ERC2: variants seen among roughly 807,000 people sequenced by gnomAD.
ERC2 encodes ERC protein 2.
ERC2 carries 42 observed loss-of-function variants against 114.8 expected under a neutral mutation model. The ratio of observed to expected loss-of-function variants is 0.37; its 90% CI spans 0.29 to 0.47. The LOEUF (loss-of-function observed/expected upper bound fraction) is 0.47, where lower values mean the gene tolerates loss of function less well. ERC2 is among the 20% of genes least tolerant of loss of function. The pLI, the probability that ERC2 is intolerant of heterozygous loss-of-function variation, is 0.99. For missense variants in ERC2, 939 were observed against 1,150.7 expected, an observed-to-expected ratio of 0.82 and a Z score of 2.66; for synonymous variants, 454 against 425.5, an observed-to-expected ratio of 1.07 and a Z score of -0.82.
intron 1 of ERC2, among the ~76,000 whole-genome samples, chr3:56,457,389 T>C (rs1402620812): frequency 6.6e-6 from 1 of 152,188 alleles, no homozygotes; most frequent in Non-Finnish European, 1.5e-5. Context: ...GAATGGACAT[T>C]GCTAGGAGTC....
chr3:56,321,112 C>G (rs147749607), intron 2 of ERC2, among the ~76,000 whole-genome samples: 1 of 152,246 alleles, frequency 6.6e-6, no homozygotes, highest in East Asian at 1.9e-4. Flanking sequence ...CGTAATCCCA[C>G]CATGTCCCCA....
At chr3:56,294,480 G>T (rs944381334) in intron 3 of ERC2, among the ~76,000 whole-genome samples, 2 of 152,222 alleles carry the variant, frequency 1.3e-5, no homozygotes, top group South Asian at 4.1e-4. Context: ...CTGTTGAAAT[G>T]AGTGCCTCTG....
At chr3:56,272,633 G>A (rs546753275) in intron 3 of ERC2, among the ~76,000 whole-genome samples, 2 of 152,206 alleles carry the variant, frequency 1.3e-5, no homozygotes, top group African/African-American at 4.8e-5. Flanking sequence ...AGCCAGGCGG[G>A]GTAGTGCATG....
intron 3 of ERC2, among the ~76,000 whole-genome samples, chr3:56,175,315 T>C (rs1177454299): frequency 6.6e-6 from 1 of 152,228 alleles, no homozygotes; most frequent in Non-Finnish European, 1.5e-5. Context: ...TTCCTAACTA[T>C]TCAAAATGCT....
At chr3:55,922,588 C>T (rs1236062619) in intron 13 of ERC2, among the ~76,000 whole-genome samples, 1 of 152,002 alleles carries the variant, frequency 6.6e-6, no homozygotes, top group Non-Finnish European at 1.5e-5. Context: ...CCCCATTTTA[C>T]TTAGAATCTT....
chr3:55,598,238 T>C lies in ERC2; in HGVS notation c.*39+85556A>G, dbSNP rs542424941. 7.2e-5 allele frequency among the ~76,000 whole-genome samples: 11 copies of C among 152,352 alleles called. No individual in the cohort carries two copies. In the East Asian group the frequency reaches 2.1e-3, roughly 29 times the overall value. On this transcript the variant is annotated intron_variant, in intron 17 of 17. Transcript: ENST00000288221. ...ATTATCATTTCTTATAATAACTGCA[T>C]GTCTGCATAAGGACTGCATTGTCCA...
intron 3 of ERC2, among the ~76,000 whole-genome samples, chr3:56,272,267 CAA>C (rs949412539): frequency 2.2e-4 from 34 of 152,118 alleles, no homozygotes; most frequent in Admixed American, 5.2e-4. Context: ...ATCACTTGAA[CAA>C]AAAAAGTAGA....
At chr3:55,626,341 G>A (rs1422408731) in intron 17 of ERC2, among the ~76,000 whole-genome samples, 1 of 152,154 alleles carries the variant, frequency 6.6e-6, no homozygotes, top group East Asian at 1.9e-4. Context: ...TAGCCCTGGT[G>A]GTTACTGATG....
intron 13 of ERC2, among the ~76,000 whole-genome samples, chr3:55,925,957 T>A (rs568893119): frequency 6.6e-6 from 1 of 152,202 alleles, no homozygotes; most frequent in South Asian, 2.1e-4. Context: ...TTCTGTCCTG[T>A]AGTATTTCAT....
chr3:56,122,528 A>T (rs1415258769), intron 6 of ERC2, among the ~76,000 whole-genome samples: 1 of 152,200 alleles, frequency 6.6e-6, no homozygotes, highest in Non-Finnish European at 1.5e-5. Flanking sequence ...AATCAAAGCC[A>T]TCCGCAATTC....
chr3:56,425,790 G>A (rs1015214739), intron 2 of ERC2, among the ~76,000 whole-genome samples: 6 of 152,160 alleles, frequency 3.9e-5, no homozygotes, highest in Admixed American at 3.9e-4. Context: ...GGTTTCTGAT[G>A]TTTTATCAAT....
chr3:56,143,033 G>A (rs1045866710), intron 5 of ERC2, among the ~76,000 whole-genome samples: 7 of 152,122 alleles, frequency 4.6e-5, no homozygotes, highest in African/African-American at 1.7e-4. Context: ...TGGATTCTGA[G>A]AACAAATTTT....
intron 13 of ERC2, among the ~76,000 whole-genome samples, chr3:55,910,454 A>G (rs2064735816): frequency 2.0e-5 from 3 of 152,228 alleles, no homozygotes; most frequent in Middle Eastern, 3.4e-3. Flanking sequence ...AAAACAAAAC[A>G]TTAATGTGTG....
At chr3:55,765,855 C>A (rs11927643) in intron 14 of ERC2, among the ~76,000 whole-genome samples, 1 of 152,006 alleles carries the variant, frequency 6.6e-6, no homozygotes, top group Admixed American at 6.5e-5. Flanking sequence ...AAAATGATTA[C>A]GTGATCTCAC....
intron 3 of ERC2, among the ~76,000 whole-genome samples, chr3:56,196,489 C>T (rs2048111891): frequency 6.8e-6 from 1 of 147,140 alleles, no homozygotes; most frequent in African/African-American, 2.6e-5. Flanking sequence ...GACTTTCTTG[C>T]CTTCTTTTTT....
intron 13 of ERC2, among the ~76,000 whole-genome samples, chr3:55,914,674 G>C (rs926783085): frequency 6.6e-6 from 1 of 152,090 alleles, no homozygotes; most frequent in African/African-American, 2.4e-5. Flanking sequence ...GAAACAACTG[G>C]CCCATGCATT....
chr3:56,253,371 CTGTT>C (rs1175455291), intron 3 of ERC2, among the ~76,000 whole-genome samples: 2 of 152,110 alleles, frequency 1.3e-5, no homozygotes, highest in East Asian at 3.8e-4. Flanking sequence ...ATTTAAAAAA[CTGTT>C]TAAGAAAACT....
chr3:55,950,877 A>C (rs2067453367), intron 12 of ERC2, among the ~76,000 whole-genome samples: 1 of 152,216 alleles, frequency 6.6e-6, no homozygotes, highest in Non-Finnish European at 1.5e-5. Flanking sequence ...TGAAGGAAAC[A>C]AATAGCATGC....
chr3:55,900,703 A>C (rs544793032), intron 13 of ERC2, among the ~76,000 whole-genome samples: 2 of 152,308 alleles, frequency 1.3e-5, no homozygotes, highest in South Asian at 4.1e-4. Context: ...TCTTTTAAGC[A>C]CACAGAGTCC....
Sources: allele counts gnomAD v4.1 joint callset (sites outside exome capture counted in the v4.1 genomes callset), GRCh38; gene constraint gnomAD v4.1.1; transcripts MANE v1.5; gene names NCBI Gene and HGNC (gene_info 2026-07-23, HGNC 2026-07-21).